Variants in PDE1C observed in about 807,000 individuals in gnomAD.
The protein encoded by PDE1C is dual specificity calcium/calmodulin-dependent 3',5'-cyclic nucleotide phosphodiesterase 1C.
A neutral mutation model predicts 93.1 loss-of-function variants in PDE1C; 62 were observed. The ratio of observed to expected loss-of-function variants is 0.67; its 90% confidence interval spans 0.54 to 0.82. The LOEUF (loss-of-function observed/expected upper bound fraction) is 0.82. Ranked by LOEUF, PDE1C falls within the 40% of genes least tolerant of loss-of-function variation. The probability of loss-of-function intolerance (pLI) is 0.00; values close to 1 mark genes in which losing one functional copy is unlikely to be tolerated. For missense variants in PDE1C, 742 were observed against 884.6 expected, an observed-to-expected ratio of 0.84 and a Z score of 2.04; for synonymous variants, 325 against 310.1, an observed-to-expected ratio of 1.05 and a Z score of -0.50.
At chr7:31,735,718 C>T in the PDE1C span, among the ~76,000 whole-genome samples, 3 of 152,184 alleles carry the variant, frequency 2.0e-5, no homozygotes, top group South Asian at 2.1e-4. Flanking sequence ...AAAAAACAAC[C>T]GTTTCTTTTT....
chr7:31,917,499 A>C (rs572190808), intron 2 of PDE1C, among the ~76,000 whole-genome samples: 5 of 152,170 alleles, frequency 3.3e-5, no homozygotes, highest in Admixed American at 6.5e-5. Flanking sequence ...GACTAGTCTT[A>C]AGGCTCTGGT....
intron 1 of PDE1C, among the ~76,000 whole-genome samples, chr7:32,410,854 G>T (rs1337639840): frequency 2.0e-5 from 3 of 152,146 alleles, no homozygotes; most frequent in African/African-American, 7.2e-5. Flanking sequence ...CAAGTGTGAT[G>T]GCTGTCCACC....
At chr7:32,184,191 C>T (rs1260538527) in intron 2 of PDE1C, among the ~76,000 whole-genome samples, 3 of 152,204 alleles carry the variant, frequency 2.0e-5, no homozygotes, top group Non-Finnish European at 4.4e-5. Context: ...CACTTTTACA[C>T]TGTTGGTGGG....
intron 1 of PDE1C, among the ~76,000 whole-genome samples, chr7:32,216,311 G>A (rs1441375422): frequency 1.3e-5 from 2 of 151,992 alleles, no homozygotes; most frequent in African/African-American, 4.8e-5. Context: ...CCCTATCCTA[G>A]TTTAATCCTC....
intron 1 of PDE1C, among the ~76,000 whole-genome samples, chr7:32,335,961 C>T (rs187336998): frequency 2.0e-5 from 3 of 152,208 alleles, no homozygotes; most frequent in Non-Finnish European, 4.4e-5. Flanking sequence ...AACACCTGGG[C>T]TTACAGGCAT....
chr7:32,251,887 CA>C (rs1460265659), intron 1 of PDE1C, among the ~76,000 whole-genome samples: 2 of 152,176 alleles, frequency 1.3e-5, no homozygotes, highest in African/African-American at 4.8e-5. Flanking sequence ...TTCCCCTCCT[CA>C]CACTCAGGTC....
the PDE1C span, among the ~76,000 whole-genome samples, chr7:31,668,531 T>C: frequency 6.6e-6 from 1 of 151,998 alleles, no homozygotes; most frequent in African/African-American, 2.4e-5. Flanking sequence ...ACTACAACAA[T>C]GTGGATAAAC....
rs570491665 is a variant in PDE1C at position 31,777,750 on chromosome 7, T to TA, written c.1892-2019dup. On this transcript the variant is annotated intron_variant, in intron 16 of 17. Coordinates refer to ENST00000396191, the MANE Select transcript of PDE1C (RefSeq NM_001191057.4). ...CCTTCTTTTCTGGCAGCAGTAGTAG[T>TA]AAAAATAGAAAACATAAAATTAATC... is the stretch of plus-strand genomic sequence containing the variant. 3.0e-3 allele frequency among the ~76,000 whole-genome samples: 462 copies of TA among 152,264 alleles called. 2 individuals carry two copies. Among genetic ancestry groups the TA allele is most frequent in the African/African-American group, 0.01 (429 of 41,556 alleles).
At chr7:31,739,011 C>T in the PDE1C span, among the ~76,000 whole-genome samples, 1 of 150,960 alleles carries the variant, frequency 6.6e-6, no homozygotes, top group Admixed American at 6.6e-5. Flanking sequence ...ACCCCTGCCC[C>T]CCACATATAC....
chr7:32,383,411 C>T (rs1322325639), intron 1 of PDE1C, among the ~76,000 whole-genome samples: 1 of 152,170 alleles, frequency 6.6e-6, no homozygotes, highest in African/African-American at 2.4e-5. Flanking sequence ...CTCTGTTTCT[C>T]TGAGCCTTGT....
intron 2 of PDE1C, among the ~76,000 whole-genome samples, chr7:32,012,626 G>A (rs181791459): frequency 2.6e-4 from 40 of 152,226 alleles, no homozygotes; most frequent in African/African-American, 8.2e-4. Flanking sequence ...GGGAGAGGGA[G>A]GCATTAAAAA....
In PDE1C at chr7:31,878,859, C is replaced by G. The variant is rs1041302059; in HGVS notation, c.425+137G>C. The G allele has an allele frequency of 3.9e-5, 31 of 795,642 alleles. No individual in the cohort carries two copies. In the Admixed American group the frequency reaches 7.0e-4, roughly 18 times the overall value. The allele number at this position is 795,642 out of a possible 1,614,324, so 49.3% of individuals were successfully genotyped here. ...AGATATGTTTTTGCCATTTCTCATT[C>G]AAGACTATCTGTTTCTACCCACAAT... is the stretch of plus-strand genomic sequence containing the variant. On this transcript the variant is annotated intron_variant, in intron 4 of 17. Coordinates refer to ENST00000396191, the MANE Select transcript of PDE1C (RefSeq NM_001191057.4).
At chr7:31,926,517 A>G (rs1803401124) in intron 2 of PDE1C, among the ~76,000 whole-genome samples, 2 of 152,248 alleles carry the variant, frequency 1.3e-5, no homozygotes, top group South Asian at 4.1e-4. Flanking sequence ...AAATAGGAAC[A>G]GCTCCGGTCT....
chr7:31,695,362 C>T, the PDE1C span: 2 of 1,010,512 alleles, frequency 2.0e-6, no homozygotes, highest in Non-Finnish European at 2.8e-6. Context: ...CTTTTCAGGC[C>T]AAATCACCTC....
chr7:32,109,246 A>T (rs1254825198), intron 3 of PDE1C, among the ~76,000 whole-genome samples: 1 of 152,230 alleles, frequency 6.6e-6, no homozygotes, highest in Non-Finnish European at 1.5e-5. Context: ...TTTAAAAAAG[A>T]TTATTTAAAT....
intron 1 of PDE1C, among the ~76,000 whole-genome samples, chr7:32,241,321 C>T (rs975277282): frequency 1.9e-4 from 29 of 152,136 alleles, no homozygotes; most frequent in African/African-American, 6.8e-4. Flanking sequence ...CTAGAAGGAG[C>T]CTCCACTGAA....
chr7:32,382,967 A>G (rs1003294333), intron 1 of PDE1C, among the ~76,000 whole-genome samples: 5 of 152,142 alleles, frequency 3.3e-5, no homozygotes, highest in African/African-American at 4.8e-5. Context: ...CATCTCCCCA[A>G]TTGAGCGTTA....
At chr7:32,108,063 A>G (rs1798429249) in intron 3 of PDE1C, among the ~76,000 whole-genome samples, 1 of 151,732 alleles carries the variant, frequency 6.6e-6, no homozygotes, top group African/African-American at 2.4e-5. Flanking sequence ...ACCAGAGAAG[A>G]CAAAAAAGAT....
chr7:31,837,838 C>G, intron 10 of PDE1C, 32 bp downstream of exon 10: 1 of 1,498,164 alleles, frequency 6.7e-7, no homozygotes, highest in Non-Finnish European at 9.3e-7. Flanking sequence ...AACACCTATA[C>G]AAACAAAAAC....
Sources: gnomAD v4.1 joint callset for allele counts (sites outside exome capture counted in the v4.1 genomes callset) on GRCh38, gnomAD v4.1.1 for gene constraint, MANE v1.5 for transcripts, NCBI Gene and HGNC (gene_info 2026-07-23, HGNC 2026-07-21) for gene names.